ABCB9: variants seen among roughly 807,000 people sequenced by gnomAD.
ABCB9 encodes the protein ABC-type oligopeptide transporter ABCB9.
In ABCB9, 36 loss-of-function variants were observed where a neutral mutation model predicts 62.0. The observed-to-expected ratio is 0.58, with a 90% CI of 0.45 to 0.77. The LOEUF (loss-of-function observed/expected upper bound fraction) is 0.77. ABCB9 is among the 30% of genes least tolerant of loss of function. The pLI, the probability that ABCB9 is intolerant of heterozygous loss-of-function variation, is 0.00. For missense variants in ABCB9, 943 were observed against 1,054.7 expected, an observed-to-expected ratio of 0.89 and a Z score of 1.47; for synonymous variants, 435 against 461.4, an observed-to-expected ratio of 0.94 and a Z score of 0.73.
Position 122,930,134 on chromosome 12 carries a change from G to T in ABCB9, c.2078C>A (p.Thr693Lys). Reference sequence around the variant, plus strand: ...CAGCCGGTGCGCGATGATGAGTACCGTGTGCTTCTGCAGGTTGCCATGGAT... The same window carrying T: ...CAGCCGGTGCGCGATGATGAGTACCTTGTGCTTCTGCAGGTTGCCATGGAT... ...QAIHGNLQKH[T>K]VLIIAHRLST... Residue 693 changes from threonine to lysine, a missense_variant, in exon 12 of 12, where the codon ACG becomes AAG. By Grantham distance (78) the Thr-to-Lys change is moderately conservative (BLOSUM62 -1). Transcript: ENST00000280560. This position sits in a 1 kb window ranked among gnomAD's most constrained non-coding sequence, Gnocchi z 4.9. The T allele has an allele frequency of 6.4e-7, 1 of 1,552,842 alleles. No individual in the cohort carries two copies. Among genetic ancestry groups the T allele is most frequent in the Non-Finnish European group, 8.7e-7 (1 of 1,147,766 alleles).
At chr12:122,921,244 T>C (rs2034739514) in intron 11 of ABCB9, among the ~76,000 whole-genome samples, 1 of 150,864 alleles carries the variant, frequency 6.6e-6, no homozygotes, top group South Asian at 2.1e-4. Flanking sequence ...ACCACAACTC[T>C]GTCTCTACAG....
Position 122,964,463 on chromosome 12 carries a change from T to TGCTA in ABCB9, c.-88+1820_-88+1823dup, listed in dbSNP as rs1193071844. ...CATCCACCAGGCTGGGGCAGAGCAG[T>TGCTA]GCTAGCACCTGGGTCCCTGCCCCCA... On this transcript the variant is annotated intron_variant, in intron 1 of 11. Coordinates refer to ENST00000280560, the MANE Select transcript of ABCB9 (RefSeq NM_019625.4). This position sits in a 1 kb window ranked among gnomAD's most constrained non-coding sequence, Gnocchi z 4.7. 1.3e-5 allele frequency among the ~76,000 whole-genome samples: 2 copies of TGCTA among 152,190 alleles called. No individual in the cohort carries two copies. The highest frequency in any genetic ancestry group is 1.3e-4 in the Admixed American group (2 of 15,274).
chr12:122,955,094 G>T (rs895723264), intron 2 of ABCB9, among the ~76,000 whole-genome samples: 1 of 152,130 alleles, frequency 6.6e-6, no homozygotes, highest in African/African-American at 2.4e-5. Flanking sequence ...ATTGCACCTG[G>T]CCCTAACACT....
In ABCB9 at chr12:122,944,324, C is replaced by T; in HGVS notation, c.1380+67G>A. 6.6e-7 allele frequency: 1 copy of T among 1,505,012 alleles called. No individual in the cohort carries two copies. Among genetic ancestry groups the T allele is most frequent in the South Asian group, 1.2e-5 (1 of 82,612 alleles). The allele number at this position is 1,505,012 out of a possible 1,614,324, so 93.2% of individuals were successfully genotyped here. On this transcript the variant is annotated intron_variant, in intron 7 of 11. Coordinates refer to ENST00000280560, the MANE Select transcript of ABCB9 (RefSeq NM_019625.4). The surrounding 1 kb of genome is among the most constrained non-coding windows in gnomAD (Gnocchi z 4.9). ...GAGTCCCTGGAGCCCCGCCCCCACC[C>T]TGTTAAGATCCCTCTTCCCCAAACT... is the stretch of plus-strand genomic sequence containing the variant.
chr12:122,926,773 A>G (rs1417780513), downstream of ABCB9, among the ~76,000 whole-genome samples: 4 of 151,784 alleles, frequency 2.6e-5, no homozygotes, highest in Non-Finnish European at 5.9e-5. Flanking sequence ...GGCGATGTGC[A>G]CCTGTAGCCC....
Position 122,944,375 on chromosome 12 carries a change from C to A in ABCB9, c.1380+16G>T. The A allele has an allele frequency of 8.7e-6, 14 of 1,608,790 alleles. No individual in the cohort carries two copies. The highest frequency in any genetic ancestry group is 1.0e-5 in the Non-Finnish European group (12 of 1,176,426). Reference sequence around the variant, plus strand: ...CCTCCCTTCTCTCTGGATCCCCGGACACACTGGCCTCTCACCTCCATACAA... The same window carrying A: ...CCTCCCTTCTCTCTGGATCCCCGGAAACACTGGCCTCTCACCTCCATACAA... On this transcript the variant is annotated intron_variant, in intron 7 of 11. Coordinates refer to ENST00000280560, the MANE Select transcript of ABCB9 (RefSeq NM_019625.4). This position sits in a 1 kb window ranked among gnomAD's most constrained non-coding sequence, Gnocchi z 4.9.
rs926583806 is a variant in ABCB9, at chr12:122,930,517, C to A, written c.2041-346G>T. On this transcript the variant is annotated intron_variant, in intron 11 of 11. Coordinates refer to ENST00000280560, the MANE Select transcript of ABCB9 (RefSeq NM_019625.4). This position sits in a 1 kb window ranked among gnomAD's most constrained non-coding sequence, Gnocchi z 4.9. ...CTGCCTCGTGGGTTCAATCGAGTCT[C>A]ACGCCTCAGCTTCCCAAGTAGCTAG... Among the ~76,000 whole-genome samples the A allele has an allele frequency of 6.6e-6, 1 of 151,148 alleles. No individual in the cohort carries two copies. The highest frequency in any genetic ancestry group is 1.5e-5 in the Non-Finnish European group (1 of 67,866).
At chr12:122,955,090 C>G (rs1047618928) in intron 2 of ABCB9, among the ~76,000 whole-genome samples, 15 of 152,150 alleles carry the variant, frequency 9.9e-5, no homozygotes, top group African/African-American at 3.6e-4. Context: ...TGGCATTGCA[C>G]CTGGCCCTAA....
rs572601767 is a variant in ABCB9 at position 122,947,142 on chromosome 12, A to AGG, written c.1054-922_1054-921dup. 1.6e-3 allele frequency among the ~76,000 whole-genome samples: 242 copies of AGG among 152,324 alleles called. 1 individual carries two copies. Among genetic ancestry groups the AGG allele is most frequent in the Non-Finnish European group, 2.6e-3 (178 of 68,026 alleles). ...GCCTCCCTTAGCTGAACTAAAAGGCAGGGCCTGCAGTGCACACAGAGGTGG... is the reference window on the plus strand; with the variant it reads ...GCCTCCCTTAGCTGAACTAAAAGGCAGGGGGCCTGCAGTGCACACAGAGGTGG... On this transcript the variant is annotated intron_variant, in intron 5 of 11. Transcript: ENST00000280560. The surrounding 1 kb of genome is among the most constrained non-coding windows in gnomAD (Gnocchi z 6.0).
At chr12:122,935,497 C>A in intron 9 of ABCB9, 66 bp from the exon 10 acceptor site, 1 of 1,556,982 alleles carries the variant, frequency 6.4e-7, no homozygotes, top group South Asian at 1.2e-5. Context: ...CCCCAGCAGC[C>A]TTGCTGCCTG....
At chr12:122,945,013 C>T (rs2035960930) in intron 6 of ABCB9, among the ~76,000 whole-genome samples, 1 of 152,190 alleles carries the variant, frequency 6.6e-6, no homozygotes, top group Admixed American at 6.5e-5. Context: ...GTACCCATGG[C>T]AGCCCACACC....
rs61955190 is a variant in ABCB9, at chr12:122,946,247, G to A, written c.1054-25C>T. ...TCTATGGACAGGAGGGGGACAAGAA[G>A]GAGAAGACCCCAAAACAGCCTCACT... On this transcript the variant is annotated intron_variant, in intron 5 of 11. Coordinates refer to ENST00000280560, the MANE Select transcript of ABCB9 (RefSeq NM_019625.4). 4.2e-4 allele frequency: 684 copies of A among 1,613,544 alleles called. 1 individual carries two copies. In the African/African-American group the frequency reaches 4.4e-3, roughly 10 times the overall value.
At chr12:122,945,385 G>C (rs1039259499) in intron 6 of ABCB9, among the ~76,000 whole-genome samples, 9 of 152,078 alleles carry the variant, frequency 5.9e-5, no homozygotes, top group Non-Finnish European at 1.3e-4. Flanking sequence ...ATCCTCCAAG[G>C]AGAGGCTGTG....
intron 1 of ABCB9, among the ~76,000 whole-genome samples, chr12:122,973,903 G>GGCGT (rs1366853345): frequency 1.3e-5 from 2 of 152,046 alleles, no homozygotes; most frequent in East Asian, 3.8e-4. Flanking sequence ...AAATTAGCTG[G>GGCGT]GCGTGGTGGC....
Position 122,929,683 on chromosome 12 carries a change from T to A in ABCB9, c.*228A>T, listed in dbSNP as rs1023821756. The stretch of plus-strand genomic sequence containing the variant: ...GCAGCTCTACCTTTGCTTAGGAGGC[T>A]AGGGAGGTCCGTGAAGGCGTTGGCT... On this transcript the variant is annotated 3_prime_UTR_variant, in exon 12 of 12. Transcript: ENST00000280560. The surrounding 1 kb of genome is among the most constrained non-coding windows in gnomAD (Gnocchi z 6.0). 39 of 1,286,140 alleles carry A rather than the reference T, an allele frequency of 3.0e-5. No individual in the cohort carries two copies. In the African/African-American group the frequency reaches 5.2e-4, roughly 17 times the overall value. 79.7% of individuals were successfully genotyped at this position (1,286,140 alleles called of 1,614,324 possible). A position where few individuals can be genotyped will look rare whatever the true frequency, so the allele number is the denominator to read the frequency against.
In ABCB9 at chr12:122,959,893, A is replaced by G. The variant is rs2036802434; in HGVS notation, c.343T>C (p.Trp115Arg). ...GTCCACACGAACAGGGCCCAAAACC[A>G]GGGGTCCCGGATGGGCCTGCGCACC... Reference protein sequence around the residue: ...SEVRRPIRDPWFWALFVWTYI... With the variant: ...SEVRRPIRDPRFWALFVWTYI... Residue 115 changes from tryptophan to arginine, a missense_variant, in exon 2 of 12, where the codon TGG becomes CGG. Physicochemically the swap from Trp to Arg is moderately radical, Grantham distance 101. Coordinates refer to ENST00000280560, the MANE Select transcript of ABCB9 (RefSeq NM_019625.4). The surrounding 1 kb of genome is among the most constrained non-coding windows in gnomAD (Gnocchi z 5.4). 6.2e-7 allele frequency: 1 copy of G among 1,613,512 alleles called. No homozygotes were observed. The highest frequency in any genetic ancestry group is 8.5e-7 in the Non-Finnish European group (1 of 1,179,904).
At chr12:122,945,979 C>A (rs1452382968) in intron 6 of ABCB9, 46 bp downstream of exon 6, 4 of 1,596,252 alleles carry the variant, frequency 2.5e-6, no homozygotes, top group Admixed American at 3.4e-5. Flanking sequence ...CCCATCTTTG[C>A]ATCCCATCCC....
At chr12:122,968,761 T>A (rs767098343), upstream of ABCB9, among the ~76,000 whole-genome samples, 2 of 151,388 alleles carry the variant, frequency 1.3e-5, no homozygotes, top group Non-Finnish European at 2.9e-5. Flanking sequence ...ATTGCAAGCA[T>A]GTACCAACAC....
At chr12:122,965,507 C>A in intron 1 of ABCB9, among the ~76,000 whole-genome samples, 1 of 152,188 alleles carries the variant, frequency 6.6e-6, no homozygotes, top group Non-Finnish European at 1.5e-5. Context: ...CCCTGCTGAG[C>A]CTCTGGCAGC....
Sources: allele counts gnomAD v4.1 joint callset (sites outside exome capture counted in the v4.1 genomes callset), GRCh38; gene constraint gnomAD v4.1.1; non-coding constraint Gnocchi (gnomAD v3.1); transcripts MANE v1.5; gene names NCBI Gene and HGNC (gene_info 2026-07-23, HGNC 2026-07-21).